ESRRB: variants seen among roughly 807,000 people sequenced by gnomAD.
The protein encoded by ESRRB is estrogen related receptor beta, also known as steroid hormone receptor ERR2.
ESRRB carries 16 observed loss-of-function variants against 46.0 expected under a neutral mutation model. The ratio of observed to expected loss-of-function variants is 0.35; its 90% confidence interval spans 0.24 to 0.53. The LOEUF is 0.53. Ranked by LOEUF, ESRRB falls within the 20% of genes least tolerant of loss-of-function variation. ESRRB has a pLI of 0.93. For missense variants in ESRRB, 488 were observed against 607.4 expected, an observed-to-expected ratio of 0.80 and a Z score of 2.07; for synonymous variants, 246 against 259.6, an observed-to-expected ratio of 0.95 and a Z score of 0.50.
chr14:76,458,239 C>T (rs960319535), intron 2 of ESRRB, among the ~76,000 whole-genome samples: 13 of 152,244 alleles, frequency 8.5e-5, no homozygotes, highest in South Asian at 4.2e-4. Context: ...TGTTCCTACA[C>T]GCTCCTAGGC....
chr14:76,379,253 G>T (rs2139795941), intron 1 of ESRRB, among the ~76,000 whole-genome samples: 1 of 152,248 alleles, frequency 6.6e-6, no homozygotes, highest in African/African-American at 2.4e-5. Flanking sequence ...CAGAGTGGGA[G>T]GCAGCGTGCT....
At chr14:76,440,655 T>C (rs1425823406) in intron 2 of ESRRB, among the ~76,000 whole-genome samples, 1 of 151,826 alleles carries the variant, frequency 6.6e-6, no homozygotes, top group Non-Finnish European at 1.5e-5. Context: ...ACCTGTATTT[T>C]CTTTCCTTCC....
At chr14:76,391,053 G>C (rs140822294) in intron 1 of ESRRB, among the ~76,000 whole-genome samples, 2 of 152,330 alleles carry the variant, frequency 1.3e-5, no homozygotes, top group Non-Finnish European at 2.9e-5. Context: ...ATGAAAGCAA[G>C]GGCTCCTCTG....
At chr14:76,445,489 AG>A (rs2139948172) in intron 2 of ESRRB, among the ~76,000 whole-genome samples, 1 of 150,626 alleles carries the variant, frequency 6.6e-6, no homozygotes, top group African/African-American at 2.4e-5. Flanking sequence ...AAAAAAAGAA[AG>A]AAAGAAAGAA....
chr14:76,439,589 G>A lies in ESRRB; in HGVS notation c.299G>A (p.Cys100Tyr). The A allele has an allele frequency of 6.2e-7, 1 of 1,614,206 alleles. No individual in the cohort carries two copies. The highest frequency in any genetic ancestry group is 8.5e-7 in the Non-Finnish European group (1 of 1,180,020). ...GTPCRKSYED[C>Y]ASGIMEDSAI... ...CCATGCCGCAAGAGCTACGAGGACT[G>A]TGCCAGCGGCATCATGGAGGACTCG... The change falls in exon 2 of 7, where the codon TGT (cysteine) becomes TAT (tyrosine). Residue 100 changes from cysteine to tyrosine, a missense_variant. Physicochemically the swap from Cys to Tyr is radical, Grantham distance 194. Transcript: ENST00000644823.
chr14:76,400,023 G>T (rs2139838201), intron 1 of ESRRB, among the ~76,000 whole-genome samples: 1 of 152,280 alleles, frequency 6.6e-6, no homozygotes, highest in East Asian at 1.9e-4. Context: ...CATCTTACCA[G>T]CCAAACCTGC....
intron 1 of ESRRB, among the ~76,000 whole-genome samples, chr14:76,378,624 G>A (rs1407663923): frequency 1.3e-5 from 2 of 152,138 alleles, no homozygotes; most frequent in East Asian, 1.9e-4. Flanking sequence ...GGACCCACTG[G>A]GCAGCAGCCC....
At chr14:76,388,295 C>T (rs770307297) in intron 1 of ESRRB, among the ~76,000 whole-genome samples, 40 of 151,542 alleles carry the variant, frequency 2.6e-4, no homozygotes, top group African/African-American at 7.8e-4. Flanking sequence ...TCTCCTGCCT[C>T]GGCCTCCCAA....
At chr14:76,369,575 C>T (rs917174376), upstream of ESRRB, among the ~76,000 whole-genome samples, 8 of 151,986 alleles carry the variant, frequency 5.3e-5, no homozygotes, top group African/African-American at 1.4e-4. Flanking sequence ...CGCCCGGCCT[C>T]GATGTTTGAT....
At chr14:76,490,846 G>A (rs570740877) in intron 5 of ESRRB, among the ~76,000 whole-genome samples, 8 of 152,328 alleles carry the variant, frequency 5.3e-5, no homozygotes, top group African/African-American at 1.9e-4. Context: ...GTGAGAAAGT[G>A]CCCCTGACCC....
chr14:76,346,724 C>T (rs1252045673), intron 1 of ESRRB, among the ~76,000 whole-genome samples: 1 of 152,226 alleles, frequency 6.6e-6, no homozygotes, highest in East Asian at 1.9e-4. Flanking sequence ...GCATCTGCCC[C>T]AGCTGCTCCA....
rs1394059022 is a variant in ESRRB, at chr14:76,456,029, G to A, written c.461-6516G>A. On this transcript the variant is annotated intron_variant, in intron 2 of 6. Coordinates refer to ENST00000644823, the MANE Select transcript of ESRRB (RefSeq NM_001379180.1). Reference sequence around the variant, plus strand: ...CTGCACTCCAGCCTGGGCAACAAGAGCGAAACTCGCACACACACACACACA... The same window carrying A: ...CTGCACTCCAGCCTGGGCAACAAGAACGAAACTCGCACACACACACACACA... Among the ~76,000 whole-genome samples the A allele has an allele frequency of 2.1e-5, 3 of 139,566 alleles. No individual in the cohort carries two copies. The Admixed American group carries it at 2.2e-4, about 10-fold the overall frequency. The allele number at this position is 139,566 out of a possible 152,430, so 91.6% of individuals were successfully genotyped here. A position where few individuals can be genotyped will look rare whatever the true frequency, so the allele number is the denominator to read the frequency against.
rs1423613981 is a variant in ESRRB at position 76,479,427 on chromosome 14, G to A, written c.578-2589G>A. Among the ~76,000 whole-genome samples the A allele has an allele frequency of 3.3e-5, 5 of 152,282 alleles. No individual in the cohort carries two copies. The East Asian group carries it at 9.7e-4, about 29-fold the overall frequency. On this transcript the variant is annotated intron_variant, in intron 3 of 6. Transcript: ENST00000644823. ...TGTTATTGGCTTTCTTCCCTCCTTG[G>A]AAACTGCTCGCATGCACAGCCTTGT...
intron 1 of ESRRB, among the ~76,000 whole-genome samples, chr14:76,343,637 C>T (rs997213378): frequency 7.2e-5 from 11 of 152,222 alleles, no homozygotes; most frequent in Non-Finnish European, 1.3e-4. Flanking sequence ...TTCTTCTCCA[C>T]GTGGGCCCCT....
rs978153734 is a variant in ESRRB at position 76,490,311 on chromosome 14, C to T, written c.851-1136C>T. Among the ~76,000 whole-genome samples, 4 of 152,204 alleles carry T rather than the reference C, an allele frequency of 2.6e-5. 1 individual carries two copies. The highest frequency in any genetic ancestry group is 6.3e-3 in the Middle Eastern group (2 of 316). ...ATCAGCTGACTTATTTATTTACTTA[C>T]TCTCTCTTACTCTCCTATAAATCAA... On this transcript the variant is annotated intron_variant, in intron 5 of 6. Transcript: ENST00000644823.
chr14:76,340,243 C>G (rs545522826), intron 1 of ESRRB, among the ~76,000 whole-genome samples: 1 of 152,206 alleles, frequency 6.6e-6, no homozygotes, highest in African/African-American at 2.4e-5. Context: ...CAGATAACAC[C>G]CCTCAGAGTG....
rs933112548 is a variant in ESRRB, at chr14:76,485,019, G to T, written c.850+2260G>T. On this transcript the variant is annotated intron_variant, in intron 5 of 6. Transcript: ENST00000644823. ...TCCTTTCATGGCTTCATTTATCCTT[G>T]TCCAAAGCCGGATTCTTTTTGGTAA... Among the ~76,000 whole-genome samples the T allele has an allele frequency of 7.9e-5, 12 of 152,070 alleles. 1 individual carries two copies. The highest frequency in any genetic ancestry group is 2.7e-4 in the African/African-American group (11 of 41,424).
chr14:76,400,209 T>C (rs1259359731), intron 1 of ESRRB, among the ~76,000 whole-genome samples: 1 of 152,210 alleles, frequency 6.6e-6, no homozygotes, highest in Admixed American at 6.5e-5. Context: ...GGGTACTTCG[T>C]GTACTGCCGT....
rs28433314 is a variant in ESRRB at position 76,327,642 on chromosome 14, A to G, written c.2+16726A>G. ...GAGTTAAATGAGTAGCCTATGGCTTACGGCTGTTGAATGGCGGCACTGGAA... is the reference window on the plus strand; with the variant it reads ...GAGTTAAATGAGTAGCCTATGGCTTGCGGCTGTTGAATGGCGGCACTGGAA... On this transcript the variant is annotated intron_variant, in intron 1 of 6. Transcript: ENST00000512784. 6.1e-3 allele frequency among the ~76,000 whole-genome samples: 923 copies of G among 152,244 alleles called. 8 individuals carry two copies. Among genetic ancestry groups the G allele is most frequent in the African/African-American group, 0.021 (869 of 41,536 alleles).
Sources: gnomAD v4.1 joint callset for allele counts (sites outside exome capture counted in the v4.1 genomes callset) on GRCh38, gnomAD v4.1.1 for gene constraint, MANE v1.5 for transcripts, NCBI Gene and HGNC (gene_info 2026-07-23, HGNC 2026-07-21) for gene names.